NRXN1: variants seen among roughly 807,000 people sequenced by gnomAD.
NRXN1 encodes the protein neurexin-1.
A neutral mutation model predicts 150.9 loss-of-function variants in NRXN1; 39 were observed. The observed-to-expected ratio is 0.26, with a 90% CI of 0.20 to 0.34. NRXN1 has a LOEUF of 0.34. Ranked by LOEUF, NRXN1 falls within the 10% of genes least tolerant of loss-of-function variation. The pLI is 1.00. For missense variants in NRXN1, 1,815 were observed against 1,949.9 expected (o/e 0.93, Z 1.30); for synonymous variants, 924 against 757.0 (o/e 1.22, Z -3.62).
At chr2:50,273,077 C>G (rs1008132193) in intron 17 of NRXN1, among the ~76,000 whole-genome samples, 5 of 151,982 alleles carry the variant, frequency 3.3e-5, no homozygotes, top group African/African-American at 1.2e-4. Context: ...GTCCAACCAC[C>G]TAGTAAAGAA....
At chr2:50,674,884 T>C (rs1188860006) in intron 5 of NRXN1, among the ~76,000 whole-genome samples, 3 of 152,088 alleles carry the variant, frequency 2.0e-5, no homozygotes, top group Admixed American at 2.0e-4. Context: ...CCCAGTGATA[T>C]GGTTTGGATG....
At chr2:50,810,104 G>A (rs892272955) in intron 5 of NRXN1, among the ~76,000 whole-genome samples, 9 of 152,102 alleles carry the variant, frequency 5.9e-5, no homozygotes, top group African/African-American at 1.9e-4. Flanking sequence ...ACCCTCTGTT[G>A]TTGATAAATT....
intron 18 of NRXN1, among the ~76,000 whole-genome samples, chr2:50,212,905 T>C (rs17040234): frequency 0.12 from 18,773 of 151,928 alleles, 1,255 homozygotes; most frequent in South Asian, 0.17. Flanking sequence ...TGGTTCTTCA[T>C]CATGAGAATT....
chr2:50,119,955 T>C (rs1050251655), intron 18 of NRXN1, among the ~76,000 whole-genome samples: 7 of 152,216 alleles, frequency 4.6e-5, no homozygotes, highest in Non-Finnish European at 1.0e-4. Flanking sequence ...GCCATGTTTT[T>C]GGTTCAGTGG....
intron 21 of NRXN1, among the ~76,000 whole-genome samples, chr2:50,002,234 T>A (rs1684074794): frequency 6.6e-6 from 1 of 152,100 alleles, no homozygotes; most frequent in Admixed American, 6.5e-5. Context: ...TTGTTGTCAT[T>A]CATTACACAG....
chr2:50,580,696 T>C (rs999793879), intron 8 of NRXN1, among the ~76,000 whole-genome samples: 2 of 152,122 alleles, frequency 1.3e-5, no homozygotes, highest in Non-Finnish European at 1.5e-5. Flanking sequence ...ATTCTAGATA[T>C]CTGAAAACTG....
chr2:50,785,603 G>A (rs760656665), intron 5 of NRXN1, among the ~76,000 whole-genome samples: 1 of 151,986 alleles, frequency 6.6e-6, no homozygotes, highest in East Asian at 1.9e-4. Flanking sequence ...TGGCAGACCC[G>A]GCTGACTAAT....
chr2:50,440,116 G>A (rs1171515217), intron 17 of NRXN1, among the ~76,000 whole-genome samples: 2 of 152,168 alleles, frequency 1.3e-5, no homozygotes, highest in Admixed American at 6.5e-5. Context: ...TCCGTTGGAA[G>A]CAAGGATAGC....
chr2:50,089,809 T>C (rs1249959928), intron 19 of NRXN1, among the ~76,000 whole-genome samples: 1 of 151,876 alleles, frequency 6.6e-6, no homozygotes, highest in African/African-American at 2.4e-5. Flanking sequence ...AAAGTTAAAT[T>C]GATAAAGAAT....
At chr2:50,530,025 C>A (rs1196782054) in intron 11 of NRXN1, among the ~76,000 whole-genome samples, 1 of 152,146 alleles carries the variant, frequency 6.6e-6, no homozygotes, top group East Asian at 1.9e-4. Flanking sequence ...CTTGCCTCAT[C>A]ACATTTTATT....
At chr2:50,177,772 TAA>T (rs202037200) in intron 18 of NRXN1, among the ~76,000 whole-genome samples, 140 of 86,950 alleles carry the variant, frequency 1.6e-3, no homozygotes, top group Non-Finnish European at 2.3e-3. Flanking sequence ...ACTAACTAAC[TAA>T]CTCTCTCTCT....
At chr2:50,948,254 C>G (rs762343598) in intron 2 of NRXN1, among the ~76,000 whole-genome samples, 1 of 151,846 alleles carries the variant, frequency 6.6e-6, no homozygotes, top group Non-Finnish European at 1.5e-5. Flanking sequence ...AATCATCAAA[C>G]GTCCATTATA....
intron 2 of NRXN1, among the ~76,000 whole-genome samples, chr2:50,993,261 C>A (rs1038522824): frequency 2.6e-5 from 4 of 151,850 alleles, no homozygotes; most frequent in African/African-American, 9.7e-5. Flanking sequence ...TTTCATTTTA[C>A]AAAATGAGAA....
At chr2:50,740,455 G>T (rs756861609) in intron 5 of NRXN1, among the ~76,000 whole-genome samples, 1 of 152,194 alleles carries the variant, frequency 6.6e-6, no homozygotes, top group Non-Finnish European at 1.5e-5. Context: ...ATATGCTGAA[G>T]ATGGCAGAGT....
At chr2:50,238,788 A>G (rs2065715513) in intron 17 of NRXN1, among the ~76,000 whole-genome samples, 1 of 152,014 alleles carries the variant, frequency 6.6e-6, no homozygotes, top group Non-Finnish European at 1.5e-5. Context: ...CAATATGCCT[A>G]TTGTACCTGA....
chr2:50,820,641 C>T lies in NRXN1; in HGVS notation c.832+101228G>A, dbSNP rs543412386. Reference sequence around the variant, plus strand: ...CTTTCATCCTCGCTCTACCCTCCATCCAGGTGACCCTGGGATGTAGACAGC... The same window carrying T: ...CTTTCATCCTCGCTCTACCCTCCATTCAGGTGACCCTGGGATGTAGACAGC... On this transcript the variant is annotated intron_variant, in intron 5 of 22. Transcript: ENST00000401669. 2.6e-5 allele frequency among the ~76,000 whole-genome samples: 4 copies of T among 152,304 alleles called. No individual in the cohort carries two copies. In the East Asian group the frequency reaches 7.7e-4, roughly 29 times the overall value.
chr2:50,026,453 T>G (rs1187058483), intron 21 of NRXN1, among the ~76,000 whole-genome samples: 1 of 152,166 alleles, frequency 6.6e-6, no homozygotes, highest in Non-Finnish European at 1.5e-5. Context: ...TTCCTTCACA[T>G]GGTTATGTTT....
At chr2:50,648,838 A>G (rs1411224634) in intron 5 of NRXN1, among the ~76,000 whole-genome samples, 1 of 134,710 alleles carries the variant, frequency 7.4e-6, no homozygotes. Flanking sequence ...TATCAAATCC[A>G]GTTTCCTCAT....
chr2:50,030,663 T>C (rs1297894089), intron 21 of NRXN1, among the ~76,000 whole-genome samples: 1 of 152,152 alleles, frequency 6.6e-6, no homozygotes, highest in Non-Finnish European at 1.5e-5. Context: ...TTTTCTTTAC[T>C]TTGACAGGAA....
Sources: allele counts gnomAD v4.1 joint callset (sites outside exome capture counted in the v4.1 genomes callset), GRCh38; gene constraint gnomAD v4.1.1; transcripts MANE v1.5; gene names NCBI Gene and HGNC (gene_info 2026-07-23, HGNC 2026-07-21).